Variants in RELCH observed in about 807,000 individuals in gnomAD.
The protein encoded by RELCH is RAB11-binding protein RELCH.
RELCH carries 41 observed loss-of-function variants against 150.3 expected under a neutral mutation model. The observed-to-expected ratio is 0.27, with a 90% CI of 0.21 to 0.35. RELCH has a LOEUF of 0.35. RELCH is among the 10% of genes least tolerant of loss of function. The pLI, the probability that RELCH is intolerant of heterozygous loss-of-function variation, is 1.00. For synonymous variants in RELCH, 478 were observed against 531.8 expected (o/e 0.90, Z 1.39); for missense variants, 1,092 against 1,467.8 (o/e 0.74, Z 4.18).
rs2038215831 is a variant in RELCH, at chr18:62,187,686, G to A, written c.181G>A (p.Val61Met). Residue 61 changes from valine (V) to methionine (M), a missense_variant, in exon 1 of 29, where the codon GTG becomes ATG. This residue lies in a region of RELCH where 138 missense variants were observed against 124.8 expected (regional missense o/e 1.11). Transcript: ENST00000644646. ...GGGCTCGCTGTCGCCACAGGATCCC[G>A]TGGCCTTAGGAAGCAGTGCGCGGCC... ...SAGSLSPQDP[V>M]ALGSSARPGL... is the part of the protein sequence containing the mutation. 1.3e-6 allele frequency: 2 copies of A among 1,584,922 alleles called. No individual in the cohort carries two copies. Among genetic ancestry groups the A allele is most frequent in the African/African-American group, 1.3e-5 (1 of 74,258 alleles).
intron 10 of RELCH, among the ~76,000 whole-genome samples, chr18:62,234,282 A>G (rs527882714): frequency 6.6e-6 from 1 of 151,222 alleles, no homozygotes; most frequent in East Asian, 1.9e-4. Flanking sequence ...GGGGAGACAG[A>G]GAGAGTTGTT....
chr18:62,293,618 C>T (rs1456773979), intron 27 of RELCH, among the ~76,000 whole-genome samples: 1 of 151,932 alleles, frequency 6.6e-6, no homozygotes, highest in Non-Finnish European at 1.5e-5. Context: ...TATATCCTAG[C>T]CAAATTGACA....
At chr18:62,276,271 T>C (rs1282665152) in intron 22 of RELCH, among the ~76,000 whole-genome samples, 1 of 152,144 alleles carries the variant, frequency 6.6e-6, no homozygotes, top group East Asian at 1.9e-4. Flanking sequence ...TTGGACAAGG[T>C]TGAGCCTCTC....
At chr18:62,269,022 T>A (rs2043744479) in intron 20 of RELCH, 74 bp downstream of exon 20, 1 of 653,482 alleles carries the variant, frequency 1.5e-6, no homozygotes, top group East Asian at 2.9e-5. Context: ...GTCTTCTTAA[T>A]GTAAGTGACA....
intron 2 of RELCH, among the ~76,000 whole-genome samples, chr18:62,220,432 T>C (rs1337935605): frequency 6.6e-6 from 1 of 151,578 alleles, no homozygotes; most frequent in Non-Finnish European, 1.5e-5. Flanking sequence ...CATACTCTTG[T>C]TTGTAGAAAA....
chr18:62,271,330 C>A (rs2043889434), intron 20 of RELCH, among the ~76,000 whole-genome samples: 1 of 152,196 alleles, frequency 6.6e-6, no homozygotes, highest in Admixed American at 6.5e-5. Flanking sequence ...ATTTGCACTT[C>A]TCTGATGGCC....
In RELCH at chr18:62,279,567, C is replaced by T. The variant is rs544028539; in HGVS notation, c.2968-207C>T. On this transcript the variant is annotated intron_variant, in intron 22 of 28. Transcript: ENST00000644646. ...TGGTGACAAAATCTGTTTTCATGGACGCTAGGCTACTTAAGCTTTATTTTC... is the reference window on the plus strand; with the variant it reads ...TGGTGACAAAATCTGTTTTCATGGATGCTAGGCTACTTAAGCTTTATTTTC... Among the ~76,000 whole-genome samples, 10 of 152,280 alleles carry T rather than the reference C, an allele frequency of 6.6e-5. No individual in the cohort carries two copies. In the South Asian group the frequency reaches 1.5e-3, roughly 22 times the overall value.
At position 62,222,963 on chromosome 18, in the gene RELCH, TG is replaced by T. The variant is rs376231549; in HGVS notation, c.858+1467del. ...GATGAAAACAAAACATATCAAAATT[TG>T]TGGGATATAACTAAAATAGCACTTA... On this transcript the variant is annotated intron_variant, in intron 5 of 28. Coordinates refer to ENST00000644646, the MANE Select transcript of RELCH (RefSeq NM_001346231.2). Among the ~76,000 whole-genome samples, 311 of 152,088 alleles carry T rather than the reference TG, an allele frequency of 2.0e-3. 4 individuals carry two copies. Among genetic ancestry groups the T allele is most frequent in the African/African-American group, 7.3e-3 (302 of 41,548 alleles).
At chr18:62,225,119 T>A (rs968694581) in intron 5 of RELCH, among the ~76,000 whole-genome samples, 2 of 151,940 alleles carry the variant, frequency 1.3e-5, no homozygotes, top group African/African-American at 2.4e-5. Context: ...AGGGTAGTCT[T>A]TTTTTTACAA....
intron 10 of RELCH, among the ~76,000 whole-genome samples, chr18:62,238,037 T>A (rs914835324): frequency 6.6e-6 from 1 of 151,904 alleles, no homozygotes; most frequent in Non-Finnish European, 1.5e-5. Context: ...GTAACAGTTA[T>A]GTTTCTTTAA....
At chr18:62,297,493 A>T (rs1368972227) in intron 27 of RELCH, among the ~76,000 whole-genome samples, 1 of 152,200 alleles carries the variant, frequency 6.6e-6, no homozygotes, top group Non-Finnish European at 1.5e-5. Flanking sequence ...AATACAAAAA[A>T]TTCCCCTTAA....
At chr18:62,250,593 AT>A (rs2042652307) in intron 11 of RELCH, among the ~76,000 whole-genome samples, 2 of 152,242 alleles carry the variant, frequency 1.3e-5, no homozygotes, top group South Asian at 4.1e-4. Flanking sequence ...ACAGAGGGTA[AT>A]GATATAAAGG....
At chr18:62,268,763 T>A in intron 19 of RELCH, 106 bp from the exon 20 acceptor site, 1 of 539,062 alleles carries the variant, frequency 1.9e-6, no homozygotes, top group African/African-American at 2.0e-5. Flanking sequence ...TAATACTTAC[T>A]TGTAACCTAG....
At chr18:62,245,486 C>T (rs1361734341) in intron 11 of RELCH, among the ~76,000 whole-genome samples, 7 of 151,908 alleles carry the variant, frequency 4.6e-5, no homozygotes, top group African/African-American at 1.7e-4. Context: ...ATCAGCTGGG[C>T]GTGGTGGTGG....
At position 62,216,290 on chromosome 18, in the gene RELCH, A is replaced by G. The variant is rs2080376301; in HGVS notation, c.617-4747A>G. ...TCAGGAATTTGTCTGAAATATGTCT[A>G]TATCTGTCATAACAGATACAAGTTC... On this transcript the variant is annotated intron_variant, in intron 2 of 28. Coordinates refer to ENST00000644646, the MANE Select transcript of RELCH (RefSeq NM_001346231.2). Among the ~76,000 whole-genome samples the G allele has an allele frequency of 2.6e-5, 4 of 152,114 alleles. No homozygotes were observed. In the South Asian group the frequency reaches 6.2e-4, roughly 24 times the overall value.
chr18:62,254,497 C>T (rs1280223664), intron 12 of RELCH, among the ~76,000 whole-genome samples: 1 of 82,468 alleles, frequency 1.2e-5, no homozygotes, highest in Non-Finnish European at 2.6e-5. Context: ...CACAGCCATA[C>T]GTTGACATTC....
chr18:62,295,450 A>T, intron 27 of RELCH, among the ~76,000 whole-genome samples: 1 of 142,478 alleles, frequency 7.0e-6, no homozygotes, highest in African/African-American at 2.6e-5. Flanking sequence ...TTTTACTTAT[A>T]TCTGTTTTCA....
At chr18:62,215,597 C>A (rs1022975012) in intron 2 of RELCH, among the ~76,000 whole-genome samples, 7 of 152,140 alleles carry the variant, frequency 4.6e-5, no homozygotes, top group Non-Finnish European at 7.4e-5. Context: ...ATGCTAGGTG[C>A]TTTATATAAA....
Position 62,267,118 on chromosome 18 carries a change from T to A in RELCH, c.2680+369T>A, listed in dbSNP as rs182462496. ...ATTAGTTCTATAATACTTTTAAAAA[T>A]TAAACATAGTGGAAAAGAACGGTAT... On this transcript the variant is annotated intron_variant, in intron 19 of 28. Coordinates refer to ENST00000644646, the MANE Select transcript of RELCH (RefSeq NM_001346231.2). Among the ~76,000 whole-genome samples, 764 of 152,000 alleles carry A rather than the reference T, an allele frequency of 5.0e-3. 6 individuals carry two copies. Among genetic ancestry groups the A allele is most frequent in the South Asian group, 7.1e-3 (34 of 4,822 alleles).
Sources: allele counts gnomAD v4.1 joint callset (sites outside exome capture counted in the v4.1 genomes callset), GRCh38; gene constraint gnomAD v4.1.1; regional missense constraint gnomAD v4.1.1; transcripts MANE v1.5; gene names NCBI Gene and HGNC (gene_info 2026-07-23, HGNC 2026-07-21).